C3orf20: variants seen among roughly 807,000 people sequenced by gnomAD.
C3orf20 encodes the protein uncharacterized protein C3orf20.
A neutral mutation model predicts 88.3 loss-of-function variants in C3orf20; 76 were observed. The ratio of observed to expected loss-of-function variants is 0.86; its 90% CI spans 0.72 to 1.04. C3orf20 has a LOEUF of 1.04. Among genes scored for constraint, C3orf20 ranks in the 50% least tolerant of loss-of-function variants. The pLI is 0.00. For synonymous variants in C3orf20, 436 were observed against 437.4 expected (o/e 1.00, Z 0.04); for missense variants, 1,056 against 1,123.3 (o/e 0.94, Z 0.86).
In C3orf20 at chr3:14,683,078, C is replaced by T. The variant is rs377626922; in HGVS notation, c.365C>T (p.Thr122Ile). The T allele has an allele frequency of 1.2e-6, 2 of 1,612,182 alleles. No homozygotes were observed. Among genetic ancestry groups the T allele is most frequent in the South Asian group, 2.2e-5 (2 of 90,778 alleles). The change falls in exon 3 of 17, where the codon ACC becomes ATC. Residue 122 changes from threonine to isoleucine, a missense_variant. By Grantham distance (89) the Thr-to-Ile change is moderately conservative (BLOSUM62 -1). Transcript: ENST00000253697. ...GCCAAGCGCTCCACCCTCTCTCCCA[C>T]CATGGCCCGTCAGGTGCGCACCCAC... Reference protein sequence around the residue: ...GAAKRSTLSPTMARQVRTHQE... With the variant: ...GAAKRSTLSPIMARQVRTHQE...
intron 9 of C3orf20, among the ~76,000 whole-genome samples, chr3:14,717,039 G>C (rs2124965812): frequency 6.6e-6 from 1 of 152,314 alleles, no homozygotes; most frequent in South Asian, 2.1e-4. Context: ...CATAAGTTGT[G>C]TGTTAGTGTG....
intron 12 of C3orf20, among the ~76,000 whole-genome samples, chr3:14,747,522 C>A (rs1422238427): frequency 2.0e-5 from 3 of 152,128 alleles, no homozygotes; most frequent in Admixed American, 1.3e-4. Flanking sequence ...AGAACCAAGA[C>A]AAATTTAGGA....
At chr3:14,757,886 T>C (rs1401679800) in intron 13 of C3orf20, among the ~76,000 whole-genome samples, 2 of 152,172 alleles carry the variant, frequency 1.3e-5, no homozygotes, top group Non-Finnish European at 2.9e-5. Context: ...ATCCTCTAGT[T>C]CTAAGGTGAA....
Position 14,701,747 on chromosome 3 carries a change from A to G in C3orf20, c.746-1383A>G, listed in dbSNP as rs1037904614. Among the ~76,000 whole-genome samples the G allele has an allele frequency of 2.6e-5, 4 of 152,156 alleles. No individual in the cohort carries two copies. Among genetic ancestry groups the G allele is most frequent in the Non-Finnish European group, 4.4e-5 (3 of 68,030 alleles). On this transcript the variant is annotated intron_variant, in intron 5 of 16. Coordinates refer to ENST00000253697, the MANE Select transcript of C3orf20 (RefSeq NM_032137.5). The surrounding 1 kb of genome is among the most constrained non-coding windows in gnomAD (Gnocchi z 4.6). Reference sequence around the variant, plus strand: ...AAATAGAGACTTTGTGTCTTTAATCAGGTGAATCAAAAGGGTCCAATTCAG... The same window carrying G: ...AAATAGAGACTTTGTGTCTTTAATCGGGTGAATCAAAAGGGTCCAATTCAG...
At chr3:14,759,734 T>C (rs1288963418) in intron 13 of C3orf20, among the ~76,000 whole-genome samples, 157 bp from the exon 14 acceptor site, 1 of 152,126 alleles carries the variant, frequency 6.6e-6, no homozygotes, top group Admixed American at 6.5e-5. Context: ...GAGGTGTGCA[T>C]GCAGGCCCAA....
At chr3:14,715,209 C>T in intron 8 of C3orf20, 80 bp from the exon 9 acceptor site, 1 of 1,543,092 alleles carries the variant, frequency 6.5e-7, no homozygotes, top group Non-Finnish European at 8.8e-7. Flanking sequence ...GTCTTACAGA[C>T]CTGTCTGCCC....
At chr3:14,755,871 T>C (rs1163316660) in intron 12 of C3orf20, among the ~76,000 whole-genome samples, 1 of 151,350 alleles carries the variant, frequency 6.6e-6, no homozygotes, top group African/African-American at 2.4e-5. Flanking sequence ...CTACTAAAAA[T>C]ACAAAAACTT....
Position 14,761,554 on chromosome 3 carries a change from A to G in C3orf20, c.2434A>G (p.Ile812Val). Residue 812 changes from isoleucine to valine, a missense_variant, in exon 15 of 17, where the codon ATC becomes GTC. Physicochemically the swap from Ile to Val is conservative, Grantham distance 29. Coordinates refer to ENST00000253697, the MANE Select transcript of C3orf20 (RefSeq NM_032137.5). ...GLSKQNLLKQ[I>V]FRSQQDYKMG... The stretch of plus-strand genomic sequence containing the variant: ...CAGCAAGCAGAATCTGCTGAAACAG[A>G]TCTTCCGGTCTCAACAGGATTACAA... 2 of 1,614,022 alleles carry G rather than the reference A, an allele frequency of 1.2e-6. No individual in the cohort carries two copies. Among genetic ancestry groups the G allele is most frequent in the Non-Finnish European group, 1.7e-6 (2 of 1,179,976 alleles).
chr3:14,679,901 T>C (rs189438587), intron 1 of C3orf20, among the ~76,000 whole-genome samples: 8 of 152,296 alleles, frequency 5.3e-5, no homozygotes, highest in Admixed American at 4.6e-4. Flanking sequence ...AAATGGCCAA[T>C]AAGCATATGA....
chr3:14,728,401 C>T (rs2034430004), intron 11 of C3orf20, 38 bp from the exon 12 acceptor site: 1 of 1,610,702 alleles, frequency 6.2e-7, no homozygotes, highest in Non-Finnish European at 8.5e-7. Context: ...GAGTCCTGGC[C>T]ATGAAGGGAA....
chr3:14,685,968 T>C (rs2032403028), intron 4 of C3orf20, among the ~76,000 whole-genome samples: 1 of 150,998 alleles, frequency 6.6e-6, no homozygotes, highest in African/African-American at 2.4e-5. Context: ...TTCACGCCAT[T>C]CTCCTGCCTC....
intron 5 of C3orf20, among the ~76,000 whole-genome samples, chr3:14,693,950 A>G (rs1271003963): frequency 6.6e-6 from 1 of 152,204 alleles, no homozygotes; most frequent in East Asian, 1.9e-4. Flanking sequence ...TGAAATGGCC[A>G]TAGGGTTTTT....
chr3:14,740,315 CAG>C (rs1419433385), intron 12 of C3orf20, among the ~76,000 whole-genome samples: 4 of 152,120 alleles, frequency 2.6e-5, no homozygotes, highest in African/African-American at 9.7e-5. Context: ...TGGAGAGAAA[CAG>C]GGGAATGGCT....
chr3:14,727,205 C>A (rs926384262), intron 11 of C3orf20, among the ~76,000 whole-genome samples, 181 bp downstream of exon 11: 3 of 152,168 alleles, frequency 2.0e-5, no homozygotes, highest in Non-Finnish European at 2.9e-5. Flanking sequence ...GGGCTCAGGT[C>A]ACTTAAGGCC....
chr3:14,726,983 A>G lies in C3orf20; in HGVS notation c.1649A>G (p.Lys550Arg), dbSNP rs939057291. ...ALAEIKKRFQ[K>R]TVTQFINSIL... ...GCTGAGATCAAGAAGCGGTTTCAGA[A>G]GACAGTGACTCAGTTCATTAATTCT... The change falls in exon 11 of 17, where the codon AAG (lysine) becomes AGG (arginine). Residue 550 changes from lysine to arginine, a missense_variant. Physicochemically the swap from Lys to Arg is conservative, Grantham distance 26. Coordinates refer to ENST00000253697, the MANE Select transcript of C3orf20 (RefSeq NM_032137.5). 6 of 1,614,096 alleles carry G rather than the reference A, an allele frequency of 3.7e-6. No homozygotes were observed. In the African/African-American group the frequency reaches 8.0e-5, roughly 22 times the overall value.
At chr3:14,682,088 G>A (rs1437272591) in intron 1 of C3orf20, 82 bp from the exon 2 acceptor site, 2 of 152,068 alleles carry the variant, frequency 1.3e-5, no homozygotes, top group Non-Finnish European at 2.9e-5. Context: ...CTAATGTCTT[G>A]GATTTGATGA....
rs1469430143 is a variant in C3orf20 at position 14,761,526 on chromosome 3, C to T, written c.2406C>T (p.Gly802=). The T allele has an allele frequency of 6.2e-7, 1 of 1,613,964 alleles. No individual in the cohort carries two copies. The highest frequency in any genetic ancestry group is 8.5e-7 in the Non-Finnish European group (1 of 1,179,942). The part of the protein sequence containing the change: ...IFGGRVLNGY[G]LSKQNLLKQI... The stretch of plus-strand genomic sequence containing the variant: ...GGGGCCGTGTTTTGAATGGATATGG[C>T]CTCAGCAAGCAGAATCTGCTGAAAC... Residue 802 remains glycine (G), a synonymous_variant, in exon 15 of 17, where the codon GGC becomes GGT. Transcript: ENST00000253697.
At position 14,703,200 on chromosome 3, in the gene C3orf20, C is replaced by G; in HGVS notation, c.816C>G (p.Ser272Arg). 1 of 1,614,184 alleles carries G rather than the reference C, an allele frequency of 6.2e-7. No individual in the cohort carries two copies. The highest frequency in any genetic ancestry group is 8.5e-7 in the Non-Finnish European group (1 of 1,180,032). The stretch of plus-strand genomic sequence containing the variant: ...GAGGAGTGGGAACCCCTGCCAACAG[C>G]CTGGAGTTCAGCGACCCCTGCCCTG... ...LHRGVGTPAN[S>R]LEFSDPCPEA... is the part of the protein sequence containing the mutation. The change falls in exon 6 of 17, where the codon AGC (serine) becomes AGG (arginine). Residue 272 changes from serine to arginine, a missense_variant. Transcript: ENST00000253697.
chr3:14,757,571 G>A lies in C3orf20; in HGVS notation c.2141G>A (p.Gly714Glu). Residue 714 changes from glycine (G) to glutamate (E), a missense_variant, in exon 13 of 17, where the codon GGG (glycine) becomes GAG (glutamate). By Grantham distance (98) the Gly-to-Glu change is moderately conservative. Transcript: ENST00000253697. Reference protein sequence around the residue: ...PRDPSQVLVFGIISSQNYTST... With the variant: ...PRDPSQVLVFEIISSQNYTST... ...GACCCCAGCCAAGTGCTGGTGTTTG[G>A]GATCATCTCAAGCCAGAACTACACC... 1 of 1,614,082 alleles carries A rather than the reference G, an allele frequency of 6.2e-7. No homozygotes were observed. The highest frequency in any genetic ancestry group is 1.7e-4 in the Middle Eastern group (1 of 6,060).
Sources: gnomAD v4.1 joint callset for allele counts (sites outside exome capture counted in the v4.1 genomes callset) on GRCh38, gnomAD v4.1.1 for gene constraint, Gnocchi (gnomAD v3.1) non-coding constraint, MANE v1.5 for transcripts, NCBI Gene and HGNC (gene_info 2026-07-23, HGNC 2026-07-21) for gene names.